PRAMEF11: variants seen among roughly 807,000 people sequenced by gnomAD.
PRAMEF11 encodes the protein PRAME family member 11.
A neutral mutation model predicts 33.6 loss-of-function variants in PRAMEF11; 17 were observed. The ratio of observed to expected loss-of-function variants is 0.51; its 90% CI spans 0.35 to 0.76. The LOEUF (loss-of-function observed/expected upper bound fraction) is 0.76, where lower values mean the gene tolerates loss of function less well. PRAMEF11 is among the 30% of genes least tolerant of loss of function. The pLI, the probability that PRAMEF11 is intolerant of heterozygous loss-of-function variation, is 0.01. For missense variants in PRAMEF11, 568 were observed against 567.0 expected (o/e 1.00, Z -0.02); for synonymous variants, 205 against 227.3 (o/e 0.90, Z 0.88).
At chr1:12,828,157 A>T (rs1815655) in intron 2 of PRAMEF11, among the ~76,000 whole-genome samples, 104 of 148,548 alleles carry the variant, frequency 7.0e-4, no homozygotes, top group African/African-American at 2.2e-3. Context: ...AGCTAATTTT[A>T]GTATTTTTAG....
At position 12,827,470 on chromosome 1, in the gene PRAMEF11, C is replaced by T. The variant is rs1639896126; in HGVS notation, c.654G>A (p.Trp218Ter). ...CIQEVEVNCK[W>*]ILPILTQFTP... ...TAAACTGTGTCAGGATGGGCAGTAT[C>T]CACTTGCAATTCACTTCCACCTCCT... Residue 218 changes from tryptophan (W) to a stop codon, truncating the protein, a stop_gained, in exon 3 of 4, where the codon TGG becomes TGA. Coordinates refer to ENST00000619922, the MANE Select transcript of PRAMEF11 (RefSeq NM_001146344.3). LOFTEE classifies it high-confidence loss of function. 1 of 1,610,936 alleles carries T rather than the reference C, an allele frequency of 6.2e-7. No homozygotes were observed. The highest frequency in any genetic ancestry group is 1.3e-5 in the African/African-American group (1 of 74,634).
intron 2 of PRAMEF11, 65 bp from the exon 3 acceptor site, chr1:12,827,895 C>G: frequency 6.3e-7 from 1 of 1,597,812 alleles, no homozygotes; most frequent in Non-Finnish European, 8.5e-7. Flanking sequence ...ACTCCACATC[C>G]TGCATAGCAG....
At position 12,827,656 on chromosome 1, in the gene PRAMEF11, C is replaced by A; in HGVS notation, c.468G>T (p.Trp156Cys). Reference sequence around the variant, plus strand: ...ATTCATCCAGAGTCCTGTTCTTGAGCCAAAGTTCTACAAACACAGTCAAGG... The same window carrying A: ...ATTCATCCAGAGTCCTGTTCTTGAGACAAAGTTCTACAAACACAGTCAAGG... ...RQPLTVFVEL[W>C]LKNRTLDEYL... Residue 156 changes from tryptophan (W) to cysteine (C), a missense_variant, in exon 3 of 4, where the codon TGG becomes TGT. By Grantham distance (215) the Trp-to-Cys change is radical. Coordinates refer to ENST00000619922, the MANE Select transcript of PRAMEF11 (RefSeq NM_001146344.3). 1 of 1,609,582 alleles carries A rather than the reference C, an allele frequency of 6.2e-7. No homozygotes were observed. The highest frequency in any genetic ancestry group is 8.5e-7 in the Non-Finnish European group (1 of 1,177,694).
chr1:12,826,584 A>T (rs1268370731), intron 3 of PRAMEF11, among the ~76,000 whole-genome samples: 1 of 151,072 alleles, frequency 6.6e-6, no homozygotes, highest in African/African-American at 2.4e-5. Context: ...CAAAATGGTG[A>T]AAACCTGTCT....
intron 1 of PRAMEF11, 52 bp downstream of exon 1, chr1:12,831,304 C>T (rs1244007185): frequency 6.6e-6 from 1 of 151,108 alleles, no homozygotes. Context: ...CCATCCCAGA[C>T]TGACTGACTG....
Position 12,824,751 on chromosome 1 carries a change from T to G in PRAMEF11, c.*191A>C. ...CTCTACAGGATACAGGTTCCCAAAG[T>G]CCCATTGAATCCATGGCAACATTTC... On this transcript the variant is annotated 3_prime_UTR_variant, in exon 4 of 4. Coordinates refer to ENST00000619922, the MANE Select transcript of PRAMEF11 (RefSeq NM_001146344.3). 1.1e-6 allele frequency: 1 copy of G among 883,116 alleles called. No homozygotes were observed. Among genetic ancestry groups the G allele is most frequent in the Non-Finnish European group, 1.7e-6 (1 of 588,818 alleles). 54.7% of individuals were successfully genotyped at this position (883,116 alleles called of 1,614,324 possible).
In PRAMEF11 at chr1:12,828,672, G is replaced by T. The variant is rs777875451; in HGVS notation, c.118C>A (p.Pro40Thr). Residue 40 changes from proline to threonine, a missense_variant, in exon 2 of 4, where the codon CCA becomes ACA. This residue lies in a region of PRAMEF11 where 342 missense variants were observed against 312.0 expected (regional missense o/e 1.10). Coordinates refer to ENST00000619922, the MANE Select transcript of PRAMEF11 (RefSeq NM_001146344.3). ...LEELPTELFP[P>T]LFMEAFSRRR... ...CTGCTGAAGGCCTCCATGAACAGTGGGGGGAAAAGTTCCGTGGGCAGCTCC... is the reference window on the plus strand; with the variant it reads ...CTGCTGAAGGCCTCCATGAACAGTGTGGGGAAAAGTTCCGTGGGCAGCTCC... 3.1e-6 allele frequency: 5 copies of T among 1,604,124 alleles called. No homozygotes were observed. The highest frequency in any genetic ancestry group is 4.3e-6 in the Non-Finnish European group (5 of 1,174,490).
In PRAMEF11 at chr1:12,828,376, C is replaced by G. The variant is rs551405598; in HGVS notation, c.293+121G>C. ...TTTCCCTGAGGAGCTGGTGAATGGC[C>G]AAGTCCTCTCGGCTTCCTCACCACC... On this transcript the variant is annotated intron_variant, in intron 2 of 3. Transcript: ENST00000619922. 25 of 1,430,372 alleles carry G rather than the reference C, an allele frequency of 1.7e-5. No individual in the cohort carries two copies. The Admixed American group carries it at 2.6e-4, about 15-fold the overall frequency. 88.6% of individuals were successfully genotyped at this position (1,430,372 alleles called of 1,614,324 possible). A position where few individuals can be genotyped will look rare whatever the true frequency, so the allele number is the denominator to read the frequency against.
intron 1 of PRAMEF11, among the ~76,000 whole-genome samples, chr1:12,830,215 A>G (rs1318869129): frequency 2.0e-5 from 3 of 151,268 alleles, no homozygotes; most frequent in Non-Finnish European, 3.0e-5. Flanking sequence ...ACAGTTTTCA[A>G]AGACAGAGAT....
Position 12,827,574 on chromosome 1 carries a change from A to G in PRAMEF11, c.550T>C (p.Cys184Arg), listed in dbSNP as rs553339575. The G allele has an allele frequency of 1.5e-4, 241 of 1,609,888 alleles. 10 individuals are homozygous for G. Among genetic ancestry groups the G allele is most frequent in the Middle Eastern group, 1.3e-3 (8 of 6,034 alleles). Reference protein sequence around the residue: ...KQRRDLLHLCCKKLKILGMPF... With the variant: ...KQRRDLLHLCRKKLKILGMPF... ...ATTCCCAAAATTTTCAGCTTCTTAC[A>G]GCACAGGTGTAGTAAATCTCTCCTC... is the stretch of plus-strand genomic sequence containing the variant. The change falls in exon 3 of 4, where the codon TGT (cysteine) becomes CGT (arginine). Residue 184 changes from cysteine (C) to arginine (R), a missense_variant. Coordinates refer to ENST00000619922, the MANE Select transcript of PRAMEF11 (RefSeq NM_001146344.3).
In PRAMEF11 at chr1:12,825,204, A is replaced by C. The variant is rs1239550529; in HGVS notation, c.1175T>G (p.Ile392Ser). Residue 392 changes from isoleucine to serine, a missense_variant, in exon 4 of 4, where the codon ATC becomes AGC. By Grantham distance (142) the Ile-to-Ser change is moderately radical (BLOSUM62 -2). Coordinates refer to ENST00000619922, the MANE Select transcript of PRAMEF11 (RefSeq NM_001146344.3). ...LNTFSFCGNP[I>S]CMATLENLLS... ...CAGGTTCTCCAGGGTGGCCATGCAG[A>C]TGGGATTTCCACAGAAGCTGAAGGT... 12 of 1,607,780 alleles carry C rather than the reference A, an allele frequency of 7.5e-6. 1 individual carries two copies. The highest frequency in any genetic ancestry group is 1.3e-5 in the African/African-American group (1 of 74,528).
chr1:12,827,098 G>A (rs1235700232), intron 3 of PRAMEF11, 151 bp downstream of exon 3: 2 of 1,494,422 alleles, frequency 1.3e-6, no homozygotes, highest in African/African-American at 2.7e-5. Context: ...ACCCATTTCA[G>A]GACAGGGCCG....
intron 1 of PRAMEF11, among the ~76,000 whole-genome samples, chr1:12,829,742 C>A (rs139836919): frequency 6.6e-6 from 1 of 151,034 alleles, no homozygotes; most frequent in African/African-American, 2.4e-5. Context: ...ATGCAGTGGT[C>A]TCCGCCTGTA....
chr1:12,828,672 G>A lies in PRAMEF11; in HGVS notation c.118C>T (p.Pro40Ser), dbSNP rs777875451. ...CTGCTGAAGGCCTCCATGAACAGTG[G>A]GGGGAAAAGTTCCGTGGGCAGCTCC... is the stretch of plus-strand genomic sequence containing the variant. ...LEELPTELFP[P>S]LFMEAFSRRR... Residue 40 changes from proline (P) to serine (S), a missense_variant, in exon 2 of 4, where the codon CCA becomes TCA. Coordinates refer to ENST00000619922, the MANE Select transcript of PRAMEF11 (RefSeq NM_001146344.3). 133 of 1,604,124 alleles carry A rather than the reference G, an allele frequency of 8.3e-5. 6 individuals carry two copies. The highest frequency in any genetic ancestry group is 1.7e-4 in the Middle Eastern group (1 of 5,962).
Position 12,831,351 on chromosome 1 carries a change from CTTACCAGATCTGGATGTAGTCTAG to C in PRAMEF11, c.-36_-17+4del, listed in dbSNP as rs1640003272. 6.6e-6 allele frequency: 1 copy of C among 151,084 alleles called. No homozygotes were observed. The allele number at this position is 151,084 out of a possible 1,614,324, so 9.4% of individuals were successfully genotyped here. ...GGAGTGTCCTTACAGAAATTAGTGA[CTTACCAGATCTGGATGTAGTCTAG>C]AAGGTGCTCAGACCTCAGGAAGAAC... On this transcript the variant is annotated splice_donor_variant and splice_donor_region_variant and 5_prime_UTR_variant and intron_variant, in exon 1 of 4. Coordinates refer to ENST00000619922, the MANE Select transcript of PRAMEF11 (RefSeq NM_001146344.3). LOFTEE classifies it low-confidence loss of function (5UTR_SPLICE).
rs184827438 is a variant in PRAMEF11 at position 12,830,258 on chromosome 1, C to T, written c.-17+1098G>A. Among the ~76,000 whole-genome samples, 59 of 151,406 alleles carry T rather than the reference C, an allele frequency of 3.9e-4. 4 individuals are homozygous for T. The highest frequency in any genetic ancestry group is 6.9e-4 in the Non-Finnish European group (47 of 67,798). On this transcript the variant is annotated intron_variant, in intron 1 of 3. Transcript: ENST00000619922. ...CCTAAGAAAACACAGTAGAAATCTT[C>T]ATATATCCAAAGATCACCTAGGTGG...
Position 12,827,849 on chromosome 1 carries a change from G to T in PRAMEF11, c.294-19C>A, listed in dbSNP as rs112914126. On this transcript the variant is annotated intron_variant, in intron 2 of 3. Coordinates refer to ENST00000619922, the MANE Select transcript of PRAMEF11 (RefSeq NM_001146344.3). ...CCATCTCCTGTGGGAAAATAGAGGT[G>T]AGACTGAGAATTTAAGAACTCATTT... The T allele has an allele frequency of 1.2e-6, 2 of 1,605,550 alleles. No homozygotes were observed. The highest frequency in any genetic ancestry group is 2.2e-5 in the South Asian group (2 of 90,432).
At chr1:12,830,401 C>T (rs1639980600) in intron 1 of PRAMEF11, among the ~76,000 whole-genome samples, 1 of 151,378 alleles carries the variant, frequency 6.6e-6, no homozygotes, top group African/African-American at 2.4e-5. Context: ...AATTCTCATG[C>T]TTCAGCCTTC....
At position 12,825,127 on chromosome 1, in the gene PRAMEF11, G is replaced by C. The variant is rs1239364548; in HGVS notation, c.1252C>G (p.Pro418Ala). 6.2e-7 allele frequency: 1 copy of C among 1,609,492 alleles called. No individual in the cohort carries two copies. The highest frequency in any genetic ancestry group is 2.3e-5 in the East Asian group (1 of 44,388). The change falls in exon 4 of 4, where the codon CCG (proline) becomes GCG (alanine). Residue 418 changes from proline (P) to alanine (A), a missense_variant. Pro to Ala is a conservative substitution (Grantham distance 27). This residue lies in a region of PRAMEF11 where 174 missense variants were observed against 127.2 expected (regional missense o/e 1.37). Coordinates refer to ENST00000619922, the MANE Select transcript of PRAMEF11 (RefSeq NM_001146344.3). Reference sequence around the variant, plus strand: ...CCATCAGCACCATAACTTTCCTGCGGGGCAGGATACAGCTCCAGGCATAAG... The same window carrying C: ...CCATCAGCACCATAACTTTCCTGCGCGGCAGGATACAGCTCCAGGCATAAG... ...KNLCLELYPAPQESYGADGTL... is the reference protein window; with the variant it reads ...KNLCLELYPAAQESYGADGTL...
Sources: allele counts gnomAD v4.1 joint callset (sites outside exome capture counted in the v4.1 genomes callset), GRCh38; gene constraint gnomAD v4.1.1; regional missense constraint gnomAD v4.1.1; transcripts MANE v1.5; gene names NCBI Gene and HGNC (gene_info 2026-07-23, HGNC 2026-07-21).